KCND3: variants seen among roughly 807,000 people sequenced by gnomAD.
KCND3 encodes the protein A-type voltage-gated potassium channel KCND3.
In KCND3, 9 loss-of-function variants were observed where a neutral mutation model predicts 51.1. The observed-to-expected ratio is 0.18, with a 90% CI of 0.11 to 0.31. KCND3 has a LOEUF of 0.31. Among genes scored for constraint, KCND3 ranks in the 10% least tolerant of loss-of-function variants. KCND3 has a pLI of 1.00. For missense variants in KCND3, 526 were observed against 903.8 expected (o/e 0.58, Z 5.36); for synonymous variants, 349 against 368.0 (o/e 0.95, Z 0.59).
chr1:111,887,256 A>G (rs1669611755), intron 2 of KCND3, among the ~76,000 whole-genome samples: 1 of 152,202 alleles, frequency 6.6e-6, no homozygotes, highest in African/African-American at 2.4e-5. Context: ...CTGACTCACA[A>G]AGCCCCTTTG....
intron 1 of KCND3, chr1:111,989,192 T>C (rs1354358634): frequency 6.6e-6 from 1 of 152,204 alleles, no homozygotes; most frequent in Non-Finnish European, 1.5e-5. Context: ...GAGCAAGCCT[T>C]CGCCACCTGT....
chr1:111,820,448 T>C (rs547225662), intron 2 of KCND3, among the ~76,000 whole-genome samples: 7 of 152,348 alleles, frequency 4.6e-5, no homozygotes, highest in African/African-American at 1.7e-4. Context: ...TAAAAATATT[T>C]GTACTTACTG....
chr1:111,812,080 T>C (rs193099009), intron 2 of KCND3, among the ~76,000 whole-genome samples: 9 of 152,270 alleles, frequency 5.9e-5, no homozygotes, highest in African/African-American at 1.9e-4. Context: ...ACCATAGTGA[T>C]GACTGGAGGG....
At chr1:111,971,306 A>C (rs1674316254) in intron 2 of KCND3, among the ~76,000 whole-genome samples, 2 of 151,978 alleles carry the variant, frequency 1.3e-5, no homozygotes, top group South Asian at 4.1e-4. Context: ...AAAAAAAAAA[A>C]AAAAAACACC....
chr1:111,977,819 A>G (rs541378526), intron 2 of KCND3, among the ~76,000 whole-genome samples: 6 of 152,392 alleles, frequency 3.9e-5, no homozygotes, highest in African/African-American at 1.4e-4. Flanking sequence ...AGTTTACATC[A>G]TATAATACAT....
chr1:111,874,461 A>G (rs549227666), intron 2 of KCND3, among the ~76,000 whole-genome samples: 20 of 152,240 alleles, frequency 1.3e-4, no homozygotes, highest in South Asian at 1.2e-3. Context: ...TCTGCTCTTT[A>G]AAGTGCCTGT....
chr1:111,808,649 T>C (rs1227715111), intron 2 of KCND3, among the ~76,000 whole-genome samples: 1 of 152,214 alleles, frequency 6.6e-6, no homozygotes, highest in African/African-American at 2.4e-5. Context: ...ACAAGCCCTC[T>C]CAGGCCTTGC....
At chr1:111,805,955 CAT>C (rs1415648616) in intron 2 of KCND3, among the ~76,000 whole-genome samples, 4 of 152,184 alleles carry the variant, frequency 2.6e-5, no homozygotes, top group Admixed American at 1.3e-4. Context: ...GAGAAAAGAA[CAT>C]GAGGTGAGCC....
chr1:111,988,712 A>G (rs1675443006), intron 1 of KCND3: 5 of 152,222 alleles, frequency 3.3e-5, no homozygotes. Context: ...TAGGACCCCG[A>G]GAAAGTTCAG....
chr1:111,974,114 T>C (rs1674492917), intron 2 of KCND3, among the ~76,000 whole-genome samples: 1 of 152,164 alleles, frequency 6.6e-6, no homozygotes, highest in African/African-American at 2.4e-5. Flanking sequence ...CACCCATCAT[T>C]TGCATTGAGC....
chr1:111,966,933 G>T (rs994503369), intron 2 of KCND3, among the ~76,000 whole-genome samples: 2 of 152,054 alleles, frequency 1.3e-5, no homozygotes, highest in Non-Finnish European at 2.9e-5. Flanking sequence ...CTGAGATCAG[G>T]AGTTTGAGAC....
intron 1 of KCND3, among the ~76,000 whole-genome samples, chr1:111,985,460 T>C (rs935824532): frequency 6.6e-6 from 1 of 152,172 alleles, no homozygotes; most frequent in African/African-American, 2.4e-5. Flanking sequence ...CACTAAGCTC[T>C]TTCGGGCAAA....
intron 2 of KCND3, among the ~76,000 whole-genome samples, chr1:111,789,795 G>T (rs1276341953): frequency 6.6e-6 from 1 of 152,188 alleles, no homozygotes; most frequent in Non-Finnish European, 1.5e-5. Context: ...GAGGTTAACT[G>T]GTTGGTAGAT....
chr1:111,812,362 C>T (rs1420368328), intron 2 of KCND3, among the ~76,000 whole-genome samples: 3 of 152,188 alleles, frequency 2.0e-5, no homozygotes, highest in Non-Finnish European at 4.4e-5. Context: ...GGTCCCTGGG[C>T]ACCCAATGCT....
At chr1:111,815,508 T>A (rs549745900) in intron 2 of KCND3, among the ~76,000 whole-genome samples, 1 of 150,070 alleles carries the variant, frequency 6.7e-6, no homozygotes, top group South Asian at 2.2e-4. Context: ...GGCTTCCTCA[T>A]CCCCTGCCAT....
intron 2 of KCND3, among the ~76,000 whole-genome samples, chr1:111,955,120 A>C (rs6699612): frequency 8.5e-5 from 13 of 152,288 alleles, no homozygotes; most frequent in African/African-American, 3.1e-4. Context: ...TTTCAAGTCC[A>C]ACCCTATATC....
intron 2 of KCND3, among the ~76,000 whole-genome samples, chr1:111,943,225 G>A (rs1672612987): frequency 6.6e-6 from 1 of 152,184 alleles, no homozygotes; most frequent in African/African-American, 2.4e-5. Context: ...GCAGCCAGAG[G>A]ACCCTGGCTG....
rs1297414410 is a variant in KCND3 at position 111,771,659 on chromosome 1, A to G, written c.*4418T>C. 1 of 152,192 alleles carries G rather than the reference A, an allele frequency of 6.6e-6. No homozygotes were observed. Among genetic ancestry groups the G allele is most frequent in the Non-Finnish European group, 1.5e-5 (1 of 68,040 alleles). 9.4% of individuals were successfully genotyped at this position (152,192 alleles called of 1,614,324 possible). ...TACAATCTAATAAGTGATATCCTGA[A>G]CTGTAGGAATCATATTTTGAAAACT... On this transcript the variant is annotated 3_prime_UTR_variant, in exon 8 of 8. Transcript: ENST00000302127.
intron 2 of KCND3, among the ~76,000 whole-genome samples, chr1:111,959,849 G>C (rs1673541568): frequency 6.6e-6 from 1 of 152,086 alleles, no homozygotes; most frequent in African/African-American, 2.4e-5. Flanking sequence ...ATCTCATCTT[G>C]AATTGTAGTT....
Sources: gnomAD v4.1 joint callset for allele counts (sites outside exome capture counted in the v4.1 genomes callset) on GRCh38, gnomAD v4.1.1 for gene constraint, MANE v1.5 for transcripts, NCBI Gene and HGNC (gene_info 2026-07-23, HGNC 2026-07-21) for gene names.